RANBP9: variants seen among roughly 807,000 people sequenced by gnomAD.
The protein encoded by RANBP9 is RAN binding protein 9, also known as ran-binding protein 9.
In RANBP9, 15 loss-of-function variants were observed where a neutral mutation model predicts 84.3. The ratio of observed to expected loss-of-function variants is 0.18; its 90% CI spans 0.12 to 0.27. The LOEUF (loss-of-function observed/expected upper bound fraction) is 0.27. Among genes scored for constraint, RANBP9 ranks in the 10% least tolerant of loss-of-function variants. The probability of loss-of-function intolerance (pLI) is 1.00; values close to 1 mark genes in which losing one functional copy is unlikely to be tolerated. For missense variants in RANBP9, 809 were observed against 912.8 expected (o/e 0.89, Z 1.46); for synonymous variants, 392 against 349.6 (o/e 1.12, Z -1.35).
At chr6:13,665,089 C>T (rs906355985) in intron 2 of RANBP9, among the ~76,000 whole-genome samples, 1 of 152,096 alleles carries the variant, frequency 6.6e-6, no homozygotes, top group African/African-American at 2.4e-5. Flanking sequence ...ATCTCTATCT[C>T]ACACAATACA....
Position 13,621,711 on chromosome 6 carries a change from T to C in RANBP9, c.*651A>G, listed in dbSNP as rs1764451889. The C allele has an allele frequency of 6.6e-6, 1 of 152,636 alleles. No individual in the cohort carries two copies. The highest frequency in any genetic ancestry group is 1.5e-5 in the Non-Finnish European group (1 of 68,034). 9.5% of individuals were successfully genotyped at this position (152,636 alleles called of 1,614,324 possible). On this transcript the variant is annotated 3_prime_UTR_variant, in exon 14 of 14. Coordinates refer to ENST00000011619, the MANE Select transcript of RANBP9 (RefSeq NM_005493.3). ...AATACAACAGTTAAACTTGTGAGTC[T>C]ACAACAGAAGTCATCTGTAGTTAAA...
rs573040472 is a variant in RANBP9, at chr6:13,692,504, G to A, written c.683+4281C>T. On this transcript the variant is annotated intron_variant, in intron 2 of 13. Transcript: ENST00000011619. Reference sequence around the variant, plus strand: ...ATCACACCATCGCACTCCAGCCTGGGCAACAAGAGCGAAACTCCGTCTCAA... The same window carrying A: ...ATCACACCATCGCACTCCAGCCTGGACAACAAGAGCGAAACTCCGTCTCAA... 7.5e-5 allele frequency among the ~76,000 whole-genome samples: 8 copies of A among 106,348 alleles called. No homozygotes were observed. The East Asian group carries it at 2.4e-3, about 33-fold the overall frequency. 69.8% of individuals were successfully genotyped at this position (106,348 alleles called of 152,430 possible).
rs931693179 is a variant in RANBP9, at chr6:13,657,090, C to T, written c.904+19G>A. ...TCTCCATATTTGGTTATTTTGCATG[C>T]AATATATTATCTCAGTACCTAAACT... On this transcript the variant is annotated intron_variant, in intron 4 of 13. Transcript: ENST00000011619. The T allele has an allele frequency of 3.2e-6, 5 of 1,568,082 alleles. No individual in the cohort carries two copies. Among genetic ancestry groups the T allele is most frequent in the East Asian group, 2.3e-5 (1 of 43,414 alleles).
chr6:13,654,461 C>T lies in RANBP9; in HGVS notation c.905-1780G>A, dbSNP rs142110661. 3.8e-3 allele frequency among the ~76,000 whole-genome samples: 575 copies of T among 152,234 alleles called. 3 individuals carry two copies. The highest frequency in any genetic ancestry group is 0.013 in the African/African-American group (560 of 41,534). On this transcript the variant is annotated intron_variant, in intron 4 of 13. Transcript: ENST00000011619. ...TTTCCTTATATAGTAAACAAATATA[C>T]ATTCTGAAAATCTTCCATGAGACAG...
intron 2 of RANBP9, among the ~76,000 whole-genome samples, chr6:13,692,276 C>T (rs1766337483): frequency 6.6e-6 from 1 of 152,110 alleles, no homozygotes; most frequent in Non-Finnish European, 1.5e-5. Context: ...TGGCTCACAC[C>T]TATAATCCCA....
intron 1 of RANBP9, among the ~76,000 whole-genome samples, chr6:13,703,942 CATT>C (rs1758036381): frequency 1.3e-5 from 2 of 152,138 alleles, no homozygotes; most frequent in South Asian, 4.1e-4. Context: ...CCTTCACAAT[CATT>C]ATTTTATTCA....
chr6:13,653,950 G>C (rs1249731514), intron 4 of RANBP9, among the ~76,000 whole-genome samples: 1 of 151,754 alleles, frequency 6.6e-6, no homozygotes, highest in Non-Finnish European at 1.5e-5. Context: ...TTTCACAAAA[G>C]TAAAAAGAAT....
At chr6:13,698,955 A>G (rs1757904012) in intron 1 of RANBP9, among the ~76,000 whole-genome samples, 1 of 152,198 alleles carries the variant, frequency 6.6e-6, no homozygotes, top group African/African-American at 2.4e-5. Flanking sequence ...TATTCTGACT[A>G]CTTCTACGGG....
chr6:13,697,214 G>A (rs1275742200), intron 1 of RANBP9, among the ~76,000 whole-genome samples: 1 of 152,140 alleles, frequency 6.6e-6, no homozygotes, highest in African/African-American at 2.4e-5. Context: ...AGAGGAAAAA[G>A]GCTGTATGAA....
intron 5 of RANBP9, among the ~76,000 whole-genome samples, chr6:13,651,103 A>G (rs1765285409): frequency 6.6e-6 from 1 of 152,210 alleles, no homozygotes; most frequent in Non-Finnish European, 1.5e-5. Flanking sequence ...ACATATTAAA[A>G]TCTAAGTTTA....
chr6:13,622,635 A>C, intron 13 of RANBP9, 143 bp from the exon 14 acceptor site: 1 of 891,060 alleles, frequency 1.1e-6, no homozygotes, highest in South Asian at 2.7e-5. Context: ...GTTTCTAAGC[A>C]AAAGACAGAT....
At chr6:13,703,697 G>C (rs533452506) in intron 1 of RANBP9, among the ~76,000 whole-genome samples, 1 of 152,320 alleles carries the variant, frequency 6.6e-6, no homozygotes, top group Admixed American at 6.5e-5. Context: ...AAGCCAGTCA[G>C]TAGGGAAAAA....
chr6:13,654,690 T>C (rs1765362547), intron 4 of RANBP9, among the ~76,000 whole-genome samples: 2 of 152,332 alleles, frequency 1.3e-5, no homozygotes, highest in African/African-American at 4.8e-5. Flanking sequence ...ACTCTGCCAC[T>C]GTAACAGGAA....
At chr6:13,664,865 A>G (rs1009420561) in intron 2 of RANBP9, among the ~76,000 whole-genome samples, 2 of 152,194 alleles carry the variant, frequency 1.3e-5, no homozygotes, top group African/African-American at 4.8e-5. Context: ...ACTTCAAAAC[A>G]TAGCATGGGC....
chr6:13,641,598 A>T (rs1476365902), intron 7 of RANBP9, among the ~76,000 whole-genome samples: 3 of 152,138 alleles, frequency 2.0e-5, no homozygotes, highest in African/African-American at 7.2e-5. Flanking sequence ...CACTGAGATT[A>T]AAAAGACTGT....
At chr6:13,640,606 T>C (rs1765041824) in intron 8 of RANBP9, among the ~76,000 whole-genome samples, 1 of 152,180 alleles carries the variant, frequency 6.6e-6, no homozygotes, top group Admixed American at 6.5e-5. Context: ...TGATACATAC[T>C]ACAATAAAGA....
In RANBP9 at chr6:13,644,636, A is replaced by G; in HGVS notation, c.1021T>C (p.Tyr341His). 2 of 1,613,630 alleles carry G rather than the reference A, an allele frequency of 1.2e-6. No homozygotes were observed. The highest frequency in any genetic ancestry group is 1.7e-6 in the Non-Finnish European group (2 of 1,179,724). The stretch of plus-strand genomic sequence containing the variant: ...ATTTTGGTTCTCCACTCCCGCATAT[A>G]GTCTTCTATATCAAACACGAAAGGA... ...QHPFVFDIED[Y>H]MREWRTKIQA... The change falls in exon 6 of 14, where the codon TAT (tyrosine) becomes CAT (histidine). Residue 341 changes from tyrosine to histidine, a missense_variant. Physicochemically the swap from Tyr to His is moderately conservative, Grantham distance 83. Coordinates refer to ENST00000011619, the MANE Select transcript of RANBP9 (RefSeq NM_005493.3).
rs1464994055 is a variant in RANBP9 at position 13,690,361 on chromosome 6, C to T, written c.683+6424G>A. On this transcript the variant is annotated intron_variant, in intron 2 of 13. Transcript: ENST00000011619. ...TGTTTACTCTTTGTTCACATTTACC[C>T]TGTGCTTCCATTTGCTGCTTACAAC... Among the ~76,000 whole-genome samples, 4 of 152,160 alleles carry T rather than the reference C, an allele frequency of 2.6e-5. No individual in the cohort carries two copies. In the South Asian group the frequency reaches 8.3e-4, roughly 32 times the overall value.
chr6:13,657,188 G>T lies in RANBP9; in HGVS notation c.825C>A (p.Phe275Leu). 1 of 1,613,280 alleles carries T rather than the reference G, an allele frequency of 6.2e-7. No homozygotes were observed. Among genetic ancestry groups the T allele is most frequent in the Non-Finnish European group, 8.5e-7 (1 of 1,179,438 alleles). ...AACAGCCAATGACATCACCAGTAGT[G>T]AAAGTTGGTCCATAAGGTTGTCCAG... is the stretch of plus-strand genomic sequence containing the variant. ...SGTGQPYGPT[F>L]TTGDVIGCCV... The change falls in exon 4 of 14, where the codon TTC (phenylalanine) becomes TTA (leucine). Residue 275 changes from phenylalanine (F) to leucine (L), a missense_variant. This residue lies in a region of RANBP9 where 216 missense variants were observed against 329.0 expected (regional missense o/e 0.66). Coordinates refer to ENST00000011619, the MANE Select transcript of RANBP9 (RefSeq NM_005493.3).
Sources: gnomAD v4.1 joint callset for allele counts (sites outside exome capture counted in the v4.1 genomes callset) on GRCh38, gnomAD v4.1.1 for gene constraint, gnomAD v4.1.1 regional missense constraint, MANE v1.5 for transcripts, NCBI Gene and HGNC (gene_info 2026-07-23, HGNC 2026-07-21) for gene names.